RB1CC1: variants seen among roughly 807,000 people sequenced by gnomAD.
The protein encoded by RB1CC1 is RB1-inducible coiled-coil protein 1.
Under a neutral mutation model 177.5 loss-of-function variants are expected in RB1CC1, and 46 were observed. That is an observed-to-expected ratio of 0.26 (90% CI 0.20 to 0.33). The LOEUF is 0.33. Among genes scored for constraint, RB1CC1 ranks in the 10% least tolerant of loss-of-function variants. RB1CC1 has a pLI of 1.00. For missense variants in RB1CC1, 1,703 were observed against 1,816.3 expected (o/e 0.94, Z 1.13); for synonymous variants, 666 against 613.6 (o/e 1.09, Z -1.26).
Position 52,667,917 on chromosome 8 carries a change from G to C in RB1CC1, c.1173+104C>G, listed in dbSNP as rs986927579. Reference sequence around the variant, plus strand: ...ATATTAATACATTAAAAATATTCAAGGAAAAAGTGAAAATATGGTGCACAC... The same window carrying C: ...ATATTAATACATTAAAAATATTCAACGAAAAAGTGAAAATATGGTGCACAC... On this transcript the variant is annotated intron_variant, in intron 8 of 23. Transcript: ENST00000025008. 2.6e-6 allele frequency: 3 copies of C among 1,135,806 alleles called. No individual in the cohort carries two copies. In the African/African-American group the frequency reaches 4.7e-5, roughly 18 times the overall value. 70.4% of individuals were successfully genotyped at this position (1,135,806 alleles called of 1,614,324 possible).
At chr8:52,634,601 T>C (rs541443295) in intron 20 of RB1CC1, among the ~76,000 whole-genome samples, 4 of 152,240 alleles carry the variant, frequency 2.6e-5, no homozygotes, top group African/African-American at 9.6e-5. Context: ...AAAAGACTTA[T>C]GAAACATAAC....
intron 8 of RB1CC1, among the ~76,000 whole-genome samples, chr8:52,662,782 G>A (rs925471387): frequency 2.6e-5 from 4 of 151,990 alleles, no homozygotes; most frequent in Non-Finnish European, 4.4e-5. Context: ...CATAGTAACT[G>A]TATGCCTTTT....
intron 1 of RB1CC1, among the ~76,000 whole-genome samples, chr8:52,712,327 ATAAAAT>A (rs1857125816): frequency 6.6e-6 from 1 of 152,206 alleles, no homozygotes. Context: ...AATGTATGAT[ATAAAAT>A]TTTAAGTTAA....
At chr8:52,662,079 A>G (rs943886523) in intron 8 of RB1CC1, among the ~76,000 whole-genome samples, 7 of 152,102 alleles carry the variant, frequency 4.6e-5, no homozygotes, top group African/African-American at 1.7e-4. Flanking sequence ...CTGAAAAACA[A>G]TAAGGGATTT....
intron 16 of RB1CC1, among the ~76,000 whole-genome samples, 186 bp downstream of exon 16, chr8:52,645,516 G>A (rs1849938028): frequency 6.6e-6 from 1 of 151,900 alleles, no homozygotes; most frequent in South Asian, 2.1e-4. Context: ...CTCCAGATGA[G>A]TAAAAAAACT....
intron 1 of RB1CC1, among the ~76,000 whole-genome samples, chr8:52,695,928 A>C (rs1855362763): frequency 6.6e-6 from 1 of 152,158 alleles, no homozygotes; most frequent in Admixed American, 6.5e-5. Context: ...GCTGGTTTGA[A>C]GTGAGGGTGG....
chr8:52,669,326 G>A (rs936951656), intron 7 of RB1CC1, among the ~76,000 whole-genome samples: 1 of 152,010 alleles, frequency 6.6e-6, no homozygotes, highest in African/African-American at 2.4e-5. Context: ...AAGATAAACC[G>A]TGTTTTTCTA....
At chr8:52,652,364 G>T (rs1308140943) in intron 15 of RB1CC1, among the ~76,000 whole-genome samples, 1 of 151,652 alleles carries the variant, frequency 6.6e-6, no homozygotes, top group African/African-American at 2.4e-5. Context: ...TACTCGGGAG[G>T]CTGAGGCAGG....
chr8:52,699,516 T>C (rs926940669), intron 1 of RB1CC1, among the ~76,000 whole-genome samples: 2 of 151,672 alleles, frequency 1.3e-5, no homozygotes, highest in African/African-American at 4.8e-5. Context: ...CATTAAGAAT[T>C]ATAAAAATAC....
intron 18 of RB1CC1, among the ~76,000 whole-genome samples, chr8:52,641,228 A>AC (rs2150407538): frequency 6.6e-6 from 1 of 152,002 alleles, no homozygotes; most frequent in Non-Finnish European, 1.5e-5. Context: ...TACTAAAAAT[A>AC]CAAAAATTAG....
chr8:52,645,628 A>T lies in RB1CC1; in HGVS notation c.3987+74T>A, dbSNP rs1849947648. The T allele has an allele frequency of 2.1e-6, 3 of 1,450,958 alleles. No individual in the cohort carries two copies. The South Asian group carries it at 3.9e-5, about 19-fold the overall frequency. 89.9% of individuals were successfully genotyped at this position (1,450,958 alleles called of 1,614,324 possible). On this transcript the variant is annotated intron_variant, in intron 16 of 23. Transcript: ENST00000025008. ...TAAGATATAAGAAACCCTCAGCTAC[A>T]TAAAGAAATTATATTTGTTAATTTA... is the stretch of plus-strand genomic sequence containing the variant.
At position 52,624,726 on chromosome 8, in the gene RB1CC1, T is replaced by C. The variant is rs769186842; in HGVS notation, c.4698A>G (p.Gln1566=). ...LGKVMEKEYC[Q]AKKAQNRFKV... ...ATGATGTCGTTTTTACCTTTTTGGC[T>C]TGACAGTATTCTTTTTCCATTACTT... Residue 1566 remains glutamine (Q), a synonymous_variant, in exon 23 of 24, where the codon CAA becomes CAG. Transcript: ENST00000025008. The C allele has an allele frequency of 6.3e-7, 1 of 1,596,804 alleles. No individual in the cohort carries two copies. Among genetic ancestry groups the C allele is most frequent in the Non-Finnish European group, 8.6e-7 (1 of 1,166,092 alleles).
intron 5 of RB1CC1, 126 bp downstream of exon 5, chr8:52,683,423 C>CG: frequency 1.2e-6 from 1 of 853,908 alleles, no homozygotes; most frequent in African/African-American, 1.8e-5. Context: ...ATATATTAAC[C>CG]GGAAAATATT....
At position 52,693,495 on chromosome 8, in the gene RB1CC1, T is replaced by C. The variant is rs530199022; in HGVS notation, c.-166-6528A>G. On this transcript the variant is annotated intron_variant, in intron 1 of 23. Transcript: ENST00000025008. ...TCAACATCAAAGATCATTAGAGAAA[T>C]GTAAAGCAAAACCATAATGATATAT... 3.3e-5 allele frequency among the ~76,000 whole-genome samples: 5 copies of C among 151,944 alleles called. No individual in the cohort carries two copies. The South Asian group carries it at 8.3e-4, about 25-fold the overall frequency.
At chr8:52,636,128 T>C (rs1849126016) in intron 18 of RB1CC1, 59 bp from the exon 19 acceptor site, 2 of 1,528,530 alleles carry the variant, frequency 1.3e-6, no homozygotes, top group Non-Finnish European at 1.8e-6. Flanking sequence ...TTCTTCAAGA[T>C]TTTAGAAATT....
At chr8:52,664,347 A>G (rs2150514048) in intron 8 of RB1CC1, among the ~76,000 whole-genome samples, 1 of 152,302 alleles carries the variant, frequency 6.6e-6, no homozygotes, top group Admixed American at 6.5e-5. Flanking sequence ...ACTTCTTATG[A>G]ATACTTAGGA....
At chr8:52,682,896 C>G (rs1853888714) in intron 5 of RB1CC1, among the ~76,000 whole-genome samples, 2 of 152,040 alleles carry the variant, frequency 1.3e-5, no homozygotes, top group African/African-American at 4.8e-5. Flanking sequence ...GTATATACTG[C>G]TTAAAACAAA....
chr8:52,641,384 CAAA>C (rs33912526), intron 18 of RB1CC1, among the ~76,000 whole-genome samples: 3 of 97,476 alleles, frequency 3.1e-5, no homozygotes, highest in Middle Eastern at 5.2e-3. Flanking sequence ...GACTTCATCT[CAAA>C]AAAAAAAAAA....
intron 7 of RB1CC1, among the ~76,000 whole-genome samples, chr8:52,671,681 T>C: frequency 6.6e-6 from 1 of 152,350 alleles, no homozygotes; most frequent in East Asian, 1.9e-4. Flanking sequence ...TTTAACTGCT[T>C]CAGAATAATA....
Sources: allele counts gnomAD v4.1 joint callset (sites outside exome capture counted in the v4.1 genomes callset), GRCh38; gene constraint gnomAD v4.1.1; transcripts MANE v1.5; gene names NCBI Gene and HGNC (gene_info 2026-07-23, HGNC 2026-07-21).